The following STON2 variants were observed in gnomAD, a reference collection of about 807,000 sequenced individuals.
STON2 encodes the protein stonin 2.
Under a neutral mutation model 65.7 loss-of-function variants are expected in STON2, and 29 were observed. That is an observed-to-expected ratio of 0.44 (90% CI 0.33 to 0.60). STON2 has a LOEUF of 0.60. STON2 is among the 20% of genes least tolerant of loss of function. STON2 has a pLI of 0.03. For missense variants in STON2, 1,054 were observed against 1,118.1 expected, an observed-to-expected ratio of 0.94 and a Z score of 0.82; for synonymous variants, 404 against 414.2, an observed-to-expected ratio of 0.98 and a Z score of 0.30.
chr14:81,423,048 G>A (rs943967445), intron 2 of STON2, among the ~76,000 whole-genome samples: 3 of 147,424 alleles, frequency 2.0e-5, no homozygotes, highest in Non-Finnish European at 3.0e-5. Flanking sequence ...AAAAAAAAAA[G>A]ATTTCTAGAT....
chr14:81,409,602 T>A (rs1000201752), intron 2 of STON2, among the ~76,000 whole-genome samples: 1 of 152,090 alleles, frequency 6.6e-6, no homozygotes, highest in Non-Finnish European at 1.5e-5. Flanking sequence ...CTGAGATAAG[T>A]AAAGCAAATA....
chr14:81,411,475 G>A (rs1391061317), intron 2 of STON2, among the ~76,000 whole-genome samples: 1 of 152,258 alleles, frequency 6.6e-6, no homozygotes, highest in East Asian at 1.9e-4. Context: ...GGGAGGCCAA[G>A]GCAGGTGGAT....
intron 4 of STON2, among the ~76,000 whole-genome samples, chr14:81,343,796 G>A (rs1014360692): frequency 6.6e-6 from 1 of 152,042 alleles, no homozygotes; most frequent in African/African-American, 2.4e-5. Flanking sequence ...TTAAACTTCA[G>A]AACAAACCTG....
At position 81,265,346 on chromosome 14, in the gene STON2, G is replaced by A; in HGVS notation, c.*3068C>T. On this transcript the variant is annotated 3_prime_UTR_variant, in exon 8 of 8. Transcript: ENST00000614646. Reference sequence around the variant, plus strand: ...AAATTTGATGAAATTAAGATGTTAGGTTTTTAAAAATTAATAATAATTTGT... The same window carrying A: ...AAATTTGATGAAATTAAGATGTTAGATTTTTAAAAATTAATAATAATTTGT... 1 of 984,322 alleles carries A rather than the reference G, an allele frequency of 1.0e-6. No individual in the cohort carries two copies. Among genetic ancestry groups the A allele is most frequent in the Non-Finnish European group, 1.2e-6 (1 of 829,058 alleles). The allele number at this position is 984,322 out of a possible 1,614,324, so 61.0% of individuals were successfully genotyped here.
rs1483444191 is a variant in STON2 at position 81,293,237 on chromosome 14, G to A, written c.743-14498C>T. Among the ~76,000 whole-genome samples, 5 of 150,144 alleles carry A rather than the reference G, an allele frequency of 3.3e-5. No homozygotes were observed. The Admixed American group carries it at 3.3e-4, about 10-fold the overall frequency. ...TCATCAGGCTGGAGTGCAGTGGTGC[G>A]ATCTTGGCTCACTGCAACCTCTGCC... On this transcript the variant is annotated intron_variant, in intron 5 of 7. Coordinates refer to ENST00000614646, the MANE Select transcript of STON2 (RefSeq NM_001394390.1).
At chr14:81,385,900 G>A (rs1315036000) in intron 3 of STON2, among the ~76,000 whole-genome samples, 4 of 152,232 alleles carry the variant, frequency 2.6e-5, no homozygotes, top group Admixed American at 6.5e-5. Flanking sequence ...GACATTTGAA[G>A]CAGAAAAAAG....
chr14:81,376,428 G>C (rs967063154), intron 3 of STON2, among the ~76,000 whole-genome samples: 2 of 151,870 alleles, frequency 1.3e-5, no homozygotes, highest in African/African-American at 4.8e-5. Flanking sequence ...TCAAGAAGAA[G>C]GTTAAAAACC....
rs1393423919 is a variant in STON2, at chr14:81,264,594, C to T, written c.*3820G>A. The T allele has an allele frequency of 1.0e-6, 1 of 984,960 alleles. No individual in the cohort carries two copies. Among genetic ancestry groups the T allele is most frequent in the Non-Finnish European group, 1.2e-6 (1 of 829,570 alleles). 61.0% of individuals were successfully genotyped at this position (984,960 alleles called of 1,614,324 possible). A position where few individuals can be genotyped will look rare whatever the true frequency, so the allele number is the denominator to read the frequency against. On this transcript the variant is annotated 3_prime_UTR_variant, in exon 8 of 8. Coordinates refer to ENST00000614646, the MANE Select transcript of STON2 (RefSeq NM_001394390.1). ...TCCCATTTATCAGAAACATAAGTTTCTAGGGAAATAAACTCTTACTCCCAG... is the reference window on the plus strand; with the variant it reads ...TCCCATTTATCAGAAACATAAGTTTTTAGGGAAATAAACTCTTACTCCCAG...
intron 4 of STON2, chr14:81,333,090 A>G (rs1897264774): frequency 2.4e-6 from 2 of 847,642 alleles, no homozygotes; most frequent in Admixed American, 3.6e-5. Flanking sequence ...TTACAAGTCT[A>G]TGTTTGGATT....
At chr14:81,435,393 T>C (rs548136034) in intron 1 of STON2, among the ~76,000 whole-genome samples, 2 of 152,310 alleles carry the variant, frequency 1.3e-5, no homozygotes, top group African/African-American at 2.4e-5. Flanking sequence ...CCGGTATTTA[T>C]TGAGTGCTTA....
Position 81,281,548 on chromosome 14 carries a change from C to T in STON2, c.743-2809G>A, listed in dbSNP as rs116664723. 3.5e-3 allele frequency among the ~76,000 whole-genome samples: 532 copies of T among 152,274 alleles called. 2 individuals are homozygous for T. Among genetic ancestry groups the T allele is most frequent in the African/African-American group, 0.012 (503 of 41,542 alleles). On this transcript the variant is annotated intron_variant, in intron 5 of 7. Coordinates refer to ENST00000614646, the MANE Select transcript of STON2 (RefSeq NM_001394390.1). ...AGCTCACCCTGTAGTTTAAAACAAGCTGAAGTCCTTTTTCTTTGGAGGGCG... is the reference window on the plus strand; with the variant it reads ...AGCTCACCCTGTAGTTTAAAACAAGTTGAAGTCCTTTTTCTTTGGAGGGCG...
chr14:81,355,636 G>A (rs181885653), intron 4 of STON2, among the ~76,000 whole-genome samples: 1 of 152,294 alleles, frequency 6.6e-6, no homozygotes, highest in Non-Finnish European at 1.5e-5. Flanking sequence ...TATAGGTACT[G>A]ATAAGTGAAG....
intron 1 of STON2, among the ~76,000 whole-genome samples, chr14:81,399,082 G>A (rs6574651): frequency 0.18 from 26,812 of 152,072 alleles, 3,044 homozygotes; most frequent in East Asian, 0.43. Context: ...TATCAATCAA[G>A]AAAAATAGAA....
intron 4 of STON2, among the ~76,000 whole-genome samples, chr14:81,349,171 T>G (rs1897930399): frequency 6.6e-6 from 1 of 152,046 alleles, no homozygotes. Context: ...CCCACGGCAT[T>G]GGTCTAGGCA....
intron 5 of STON2, among the ~76,000 whole-genome samples, chr14:81,303,737 T>C (rs191677451): frequency 1.6e-3 from 242 of 152,286 alleles, no homozygotes; most frequent in African/African-American, 5.5e-3. Flanking sequence ...GGGAGGTATA[T>C]TTACAGTTTA....
chr14:81,415,331 C>T (rs577991924), intron 2 of STON2, among the ~76,000 whole-genome samples: 151 of 151,870 alleles, frequency 9.9e-4, no homozygotes, highest in Non-Finnish European at 1.6e-3. Context: ...GGTTAAGTAA[C>T]GTGCTCAAGG....
Position 81,264,014 on chromosome 14 carries a change from A to AGACCTACT in STON2, c.*4392_*4399dup. The AGACCTACT allele has an allele frequency of 1.0e-6, 1 of 985,448 alleles. No homozygotes were observed. The allele number at this position is 985,448 out of a possible 1,614,324, so 61.0% of individuals were successfully genotyped here. A position where few individuals can be genotyped will look rare whatever the true frequency, so the allele number is the denominator to read the frequency against. ...TCAGCGGTTAGTGCTGGAAGAACAA[A>AGACCTACT]GACCTACTGCATGAAGACTGGTTGT... is the stretch of plus-strand genomic sequence containing the variant. On this transcript the variant is annotated 3_prime_UTR_variant, in exon 8 of 8. Coordinates refer to ENST00000614646, the MANE Select transcript of STON2 (RefSeq NM_001394390.1).
rs758619279 is a variant in STON2, at chr14:81,268,369, C to T, written c.*45G>A. On this transcript the variant is annotated 3_prime_UTR_variant, in exon 8 of 8. Transcript: ENST00000614646. ...CACCCTATCATGACTCAGGAAGACA[C>T]CCTATCATGACTCTGGGATCAGGAT... is the stretch of plus-strand genomic sequence containing the variant. 12 of 1,288,138 alleles carry T rather than the reference C, an allele frequency of 9.3e-6. No individual in the cohort carries two copies. In the South Asian group the frequency reaches 1.2e-4, roughly 13 times the overall value. 79.8% of individuals were successfully genotyped at this position (1,288,138 alleles called of 1,614,324 possible).
At chr14:81,318,746 G>A (rs1595346106) in intron 5 of STON2, among the ~76,000 whole-genome samples, 2 of 152,300 alleles carry the variant, frequency 1.3e-5, no homozygotes, top group East Asian at 3.9e-4. Context: ...GGCTACTCCG[G>A]GGTCTGAGAC....
Sources: gnomAD v4.1 joint callset for allele counts (sites outside exome capture counted in the v4.1 genomes callset) on GRCh38, gnomAD v4.1.1 for gene constraint, MANE v1.5 for transcripts, NCBI Gene and HGNC (gene_info 2026-07-23, HGNC 2026-07-21) for gene names.